VWA2: variants seen among roughly 807,000 people sequenced by gnomAD.
VWA2 encodes von Willebrand factor A domain-containing protein 2.
A neutral mutation model predicts 70.4 loss-of-function variants in VWA2; 73 were observed. That is an observed-to-expected ratio of 1.04 (90% CI 0.86 to 1.26). VWA2 has a LOEUF of 1.26. VWA2 is among the 50% of genes most tolerant of loss of function. The pLI is 0.00. For synonymous variants in VWA2, 407 were observed against 423.3 expected (o/e 0.96, Z 0.47); for missense variants, 1,011 against 998.5 (o/e 1.01, Z -0.17).
intron 6 of VWA2, among the ~76,000 whole-genome samples, chr10:114,276,890 T>G (rs572510860): frequency 1.5e-4 from 23 of 152,032 alleles, no homozygotes; most frequent in Admixed American, 4.6e-4. Flanking sequence ...CCTGGCAGCT[T>G]GTAAGAAAGT....
chr10:114,246,618 G>A, intron 1 of VWA2: 1 of 1,460,696 alleles, frequency 6.8e-7, no homozygotes, highest in Non-Finnish European at 9.6e-7. Context: ...CCAGCCAGAG[G>A]CCAATGCTCA....
chr10:114,268,199 C>T (rs17091481), intron 5 of VWA2, among the ~76,000 whole-genome samples: 31,521 of 151,766 alleles, frequency 0.21, 4,055 homozygotes, highest in African/African-American at 0.36. Context: ...TCTTAATTAC[C>T]TGTCTGCACT....
Position 114,291,808 on chromosome 10 carries a change from C to T in VWA2, c.*571C>T, listed in dbSNP as rs932702414. On this transcript the variant is annotated 3_prime_UTR_variant, in exon 14 of 14. Coordinates refer to ENST00000392982, the MANE Select transcript of VWA2 (RefSeq NM_001272046.2). ...CTTGAGGGACGTTTGTGACTTCTGG[C>T]GACTGCCTTTTGTGTGTGGAAGAGA... Among the ~76,000 whole-genome samples, 11 of 152,146 alleles carry T rather than the reference C, an allele frequency of 7.2e-5. No homozygotes were observed. The highest frequency in any genetic ancestry group is 2.2e-4 in the African/African-American group (9 of 41,428).
chr10:114,279,515 A>G (rs1332960029), intron 8 of VWA2, among the ~76,000 whole-genome samples: 2 of 152,208 alleles, frequency 1.3e-5, no homozygotes, highest in African/African-American at 4.8e-5. Flanking sequence ...CACAGCACAC[A>G]GCAGTGAAAT....
chr10:114,293,695 AT>A lies in VWA2; in HGVS notation c.*2461del, dbSNP rs2039812709. ...TTAAAACATTGCATATAGGCCATAA[AT>A]TTCCTTATTTTCTCTGAACGATCCT... On this transcript the variant is annotated 3_prime_UTR_variant, in exon 14 of 14. Coordinates refer to ENST00000392982, the MANE Select transcript of VWA2 (RefSeq NM_001272046.2). 6.6e-6 allele frequency among the ~76,000 whole-genome samples: 1 copy of A among 152,190 alleles called. No homozygotes were observed. The highest frequency in any genetic ancestry group is 1.5e-5 in the Non-Finnish European group (1 of 68,034).
intron 6 of VWA2, 101 bp downstream of exon 6, chr10:114,273,035 G>T: frequency 2.0e-6 from 2 of 999,244 alleles, no homozygotes; most frequent in Non-Finnish European, 2.8e-6. Flanking sequence ...AGCCGTCCAG[G>T]TCCTTCCCTG....
chr10:114,268,614 C>T (rs1036638948), intron 5 of VWA2, among the ~76,000 whole-genome samples: 8 of 152,144 alleles, frequency 5.3e-5, no homozygotes, highest in South Asian at 2.1e-4. Flanking sequence ...GTTTGTTAAA[C>T]GTAGAAATAG....
intron 8 of VWA2, among the ~76,000 whole-genome samples, chr10:114,280,179 G>C (rs2037998694): frequency 6.6e-6 from 1 of 152,234 alleles, no homozygotes; most frequent in Non-Finnish European, 1.5e-5. Context: ...TAATATTGCA[G>C]GCTCCTAGAA....
At chr10:114,256,728 A>G (rs751808340) in intron 4 of VWA2, among the ~76,000 whole-genome samples, 51 of 151,950 alleles carry the variant, frequency 3.4e-4, no homozygotes, top group Admixed American at 8.5e-4. Flanking sequence ...GGCTAACATG[A>G]TGAAACCTTG....
intron 8 of VWA2, 75 bp downstream of exon 8, chr10:114,278,926 C>T (rs2037922104): frequency 1.9e-6 from 3 of 1,583,192 alleles, no homozygotes; most frequent in Non-Finnish European, 1.7e-6. Context: ...GAGGATAGTA[C>T]TTTGGGGCCC....
intron 5 of VWA2, among the ~76,000 whole-genome samples, chr10:114,267,890 A>G (rs1407238269): frequency 6.6e-6 from 1 of 152,152 alleles, no homozygotes; most frequent in African/African-American, 2.4e-5. Flanking sequence ...CTGTCAGGGA[A>G]TAGGACCTGA....
At chr10:114,277,838 AC>A (rs1335820293) in intron 6 of VWA2, 75 bp from the exon 7 acceptor site, 1 of 1,507,552 alleles carries the variant, frequency 6.6e-7, no homozygotes, top group Non-Finnish European at 9.0e-7. Flanking sequence ...TCCACAAGGA[AC>A]CCACGGCCTA....
In VWA2 at chr10:114,284,874, T is replaced by C; in HGVS notation, c.901T>C (p.Ser301Pro). Residue 301 changes from serine (S) to proline (P), a missense_variant, in exon 10 of 14, where the codon TCG becomes CCG. Physicochemically the swap from Ser to Pro is moderately conservative, Grantham distance 74. Transcript: ENST00000392982. ...CATCTCTCTGATAGGCCCCTGTGAC[T>C]CGCAGCCCTGCCAGAATGGAGGCAC... is the stretch of plus-strand genomic sequence containing the variant. ...YRTTCPGPCD[S>P]QPCQNGGTCV... 6.2e-7 allele frequency: 1 copy of C among 1,608,882 alleles called. No individual in the cohort carries two copies. Among genetic ancestry groups the C allele is most frequent in the Non-Finnish European group, 8.5e-7 (1 of 1,178,144 alleles).
At chr10:114,246,505 C>CAAAAAAAAAAAAACAAAAA in intron 1 of VWA2, 1 of 382,566 alleles carries the variant, frequency 2.6e-6, no homozygotes, top group Non-Finnish European at 4.3e-6. Flanking sequence ...AACTCCATCT[C>CAAAAAAAAAAAAACAAAAA]AAAAAAAAAA....
chr10:114,252,480 G>A (rs1193465690), intron 2 of VWA2, among the ~76,000 whole-genome samples: 2 of 152,180 alleles, frequency 1.3e-5, no homozygotes, highest in African/African-American at 4.8e-5. Context: ...AACCAGCCGA[G>A]GCAGTGCTGA....
At chr10:114,288,427 G>A (rs1188129412) in intron 11 of VWA2, among the ~76,000 whole-genome samples, 2 of 152,254 alleles carry the variant, frequency 1.3e-5, no homozygotes, top group Non-Finnish European at 2.9e-5. Flanking sequence ...TACTGGGGAT[G>A]GATGAAGGCA....
chr10:114,265,961 G>A (rs764970885), intron 5 of VWA2, among the ~76,000 whole-genome samples: 2 of 152,134 alleles, frequency 1.3e-5, no homozygotes, highest in African/African-American at 4.8e-5. Context: ...TGACCTCCCC[G>A]GAGCACTTTG....
At chr10:114,245,869 G>A (rs2037057889) in intron 1 of VWA2, among the ~76,000 whole-genome samples, 1 of 152,192 alleles carries the variant, frequency 6.6e-6, no homozygotes, top group East Asian at 1.9e-4. Flanking sequence ...AGGGACATTT[G>A]TTTTATAATA....
Position 114,261,223 on chromosome 10 carries a change from A to G in VWA2, c.299A>G (p.His100Arg), listed in dbSNP as rs777125829. Residue 100 changes from histidine to arginine, a missense_variant, in exon 5 of 14, where the codon CAT becomes CGT. Transcript: ENST00000392982. The part of the protein sequence containing the change: ...VGAFQFSSTP[H>R]LEFPLDSFST... ...GCATTCCAGTTCAGTTCCACTCCTC[A>G]TCTGGAATTCCCCTTGGATTCATTT... The G allele has an allele frequency of 1.2e-6, 2 of 1,614,024 alleles. No homozygotes were observed. The highest frequency in any genetic ancestry group is 1.7e-6 in the Non-Finnish European group (2 of 1,179,982).
Sources: allele counts gnomAD v4.1 joint callset (sites outside exome capture counted in the v4.1 genomes callset), GRCh38; gene constraint gnomAD v4.1.1; transcripts MANE v1.5; gene names NCBI Gene and HGNC (gene_info 2026-07-23, HGNC 2026-07-21).